Variants in ICA1 observed in about 807,000 individuals in gnomAD.
ICA1 encodes 69 kDa islet cell autoantigen.
A neutral mutation model predicts 71.0 loss-of-function variants in ICA1; 40 were observed. That is an observed-to-expected ratio of 0.56 (90% CI 0.44 to 0.73). ICA1 has a LOEUF of 0.73. ICA1 is among the 30% of genes least tolerant of loss of function. The pLI is 0.00. For missense variants in ICA1, 578 were observed against 576.5 expected (o/e 1.00, Z -0.03); for synonymous variants, 207 against 209.5 (o/e 0.99, Z 0.10).
At chr7:8,152,350 G>A (rs111234699) in intron 8 of ICA1, among the ~76,000 whole-genome samples, 2 of 151,896 alleles carry the variant, frequency 1.3e-5, no homozygotes, top group African/African-American at 2.4e-5. Flanking sequence ...TTGATGCTTC[G>A]CATGGTTGTC....
In ICA1 at chr7:8,255,900, A is replaced by C. The variant is rs561901233; in HGVS notation, c.-80+6194T>G. On this transcript the variant is annotated intron_variant, in intron 1 of 13. Transcript: ENST00000402384. ...AGCAATCCTCTTACTTAGCCTACCA[A>C]GTAGCTGGGACTACAGGCACATACC... 3.6e-3 allele frequency among the ~76,000 whole-genome samples: 547 copies of C among 151,390 alleles called. 1 individual carries two copies. Among genetic ancestry groups the C allele is most frequent in the Non-Finnish European group, 6.2e-3 (421 of 67,948 alleles).
chr7:8,123,183 C>T lies in ICA1; in HGVS notation c.1330+4690G>A, dbSNP rs572238225. ...TTCTCATTTTCAGCACAACTTGATTCTACATGCATTCCTTTGTTTTGGACT... is the reference window on the plus strand; with the variant it reads ...TTCTCATTTTCAGCACAACTTGATTTTACATGCATTCCTTTGTTTTGGACT... On this transcript the variant is annotated intron_variant, in intron 13 of 13. Coordinates refer to ENST00000402384, the MANE Select transcript of ICA1 (RefSeq NM_001136020.3). The surrounding 1 kb of genome is among the most constrained non-coding windows in gnomAD (Gnocchi z 4.1). Among the ~76,000 whole-genome samples, 1 of 152,348 alleles carries T rather than the reference C, an allele frequency of 6.6e-6. No homozygotes were observed. The highest frequency in any genetic ancestry group is 2.1e-4 in the South Asian group (1 of 4,832).
chr7:8,178,994 A>G (rs1000168738), intron 6 of ICA1, among the ~76,000 whole-genome samples: 1 of 152,150 alleles, frequency 6.6e-6, no homozygotes, highest in African/African-American at 2.4e-5. Flanking sequence ...GTTCTCTACA[A>G]TGGAATCTGA....
chr7:8,142,396 A>G (rs1284112703), intron 9 of ICA1, among the ~76,000 whole-genome samples: 1 of 152,230 alleles, frequency 6.6e-6, no homozygotes, highest in Non-Finnish European at 1.5e-5. Flanking sequence ...ATTCACGTTC[A>G]GTGTTCACTG....
At chr7:8,241,407 C>T (rs997913069) in intron 1 of ICA1, among the ~76,000 whole-genome samples, 17 of 152,156 alleles carry the variant, frequency 1.1e-4, no homozygotes, top group Admixed American at 1.0e-3. Context: ...ACAAGAGCTC[C>T]TGAAGGAAGC....
rs375606205 is a variant in ICA1 at position 8,228,569 on chromosome 7, T to G, written c.256+32A>C. Reference sequence around the variant, plus strand: ...AAAATACCCTGCTATTTCTTACTATTTGATCAATATTCATACTGATGTCAT... The same window carrying G: ...AAAATACCCTGCTATTTCTTACTATGTGATCAATATTCATACTGATGTCAT... On this transcript the variant is annotated intron_variant, in intron 4 of 13. Transcript: ENST00000402384. 4.5e-4 allele frequency: 590 copies of G among 1,305,544 alleles called. 2 individuals are homozygous for G. In the Middle Eastern group the frequency reaches 7.5e-3, roughly 17 times the overall value. 80.9% of individuals were successfully genotyped at this position (1,305,544 alleles called of 1,614,324 possible).
Position 8,235,986 on chromosome 7 carries a change from A to C in ICA1, c.-60T>G, listed in dbSNP as rs977663130. On this transcript the variant is annotated 5_prime_UTR_variant, in exon 2 of 14. Coordinates refer to ENST00000402384, the MANE Select transcript of ICA1 (RefSeq NM_001136020.3). ...AGAAGGGGCAGGAAAAAAGCATGAG[A>C]GGATAAGTTATATTATAACCTGAAA... The C allele has an allele frequency of 6.5e-6, 10 of 1,532,262 alleles. No individual in the cohort carries two copies. Among genetic ancestry groups the C allele is most frequent in the Non-Finnish European group, 9.0e-7 (1 of 1,108,998 alleles). 94.9% of individuals were successfully genotyped at this position (1,532,262 alleles called of 1,614,324 possible). A position where few individuals can be genotyped will look rare whatever the true frequency, so the allele number is the denominator to read the frequency against.
At chr7:8,129,951 G>C (rs1332514960) in intron 12 of ICA1, among the ~76,000 whole-genome samples, 1 of 115,484 alleles carries the variant, frequency 8.7e-6, no homozygotes, top group Admixed American at 9.4e-5. Context: ...AGAATATGCG[G>C]TATTTGGTTT....
At chr7:8,165,679 A>G (rs1461289291) in intron 6 of ICA1, among the ~76,000 whole-genome samples, 2 of 91,284 alleles carry the variant, frequency 2.2e-5, no homozygotes, top group African/African-American at 9.0e-5. Context: ...GCAAAGTCTT[A>G]AAATATAAAA....
chr7:8,193,472 T>C (rs530332868), intron 6 of ICA1, among the ~76,000 whole-genome samples: 5 of 152,216 alleles, frequency 3.3e-5, no homozygotes, highest in Non-Finnish European at 7.3e-5. Flanking sequence ...ACTGCTAACC[T>C]ATGCTTCTGC....
intron 12 of ICA1, among the ~76,000 whole-genome samples, chr7:8,135,714 T>C (rs1454447792): frequency 6.6e-6 from 1 of 152,200 alleles, no homozygotes; most frequent in Non-Finnish European, 1.5e-5. Flanking sequence ...GAATCACAAG[T>C]CTAGAAGTAG....
chr7:8,227,275 G>A (rs1583480429), intron 4 of ICA1, among the ~76,000 whole-genome samples: 1 of 152,256 alleles, frequency 6.6e-6, no homozygotes, highest in Non-Finnish European at 1.5e-5. Flanking sequence ...AAGCAGAGGT[G>A]GAGGCAAGAT....
intron 1 of ICA1, among the ~76,000 whole-genome samples, chr7:8,250,935 C>CAA (rs1807948288): frequency 6.6e-6 from 1 of 150,910 alleles, no homozygotes; most frequent in African/African-American, 2.5e-5. Flanking sequence ...GGATCTTGCT[C>CAA]AGTTGCCCAG....
chr7:8,173,995 G>A lies in ICA1; in HGVS notation c.580-15343C>T, dbSNP rs1191635920. Among the ~76,000 whole-genome samples the A allele has an allele frequency of 1.3e-5, 2 of 152,090 alleles. No individual in the cohort carries two copies. Among genetic ancestry groups the A allele is most frequent in the Non-Finnish European group, 2.9e-5 (2 of 67,996 alleles). On this transcript the variant is annotated intron_variant, in intron 6 of 13. Coordinates refer to ENST00000402384, the MANE Select transcript of ICA1 (RefSeq NM_001136020.3). The surrounding 1 kb of genome is among the most constrained non-coding windows in gnomAD (Gnocchi z 4.0). The stretch of plus-strand genomic sequence containing the variant: ...GAAAGATATGAGTGCAGGGTTTGGA[G>A]GGGTAGTAGAGGATTCTGTTTCATA...
At chr7:8,231,233 G>T (rs1800186137) in intron 3 of ICA1, among the ~76,000 whole-genome samples, 1 of 152,074 alleles carries the variant, frequency 6.6e-6, no homozygotes, top group African/African-American at 2.4e-5. Context: ...GGCTGGTTGT[G>T]GACTGAGAAC....
chr7:8,180,468 T>C (rs1270338555), intron 6 of ICA1, among the ~76,000 whole-genome samples: 4 of 152,198 alleles, frequency 2.6e-5, no homozygotes, highest in African/African-American at 7.2e-5. Context: ...GCAGCTATTA[T>C]GAAAATACTG....
intron 6 of ICA1, among the ~76,000 whole-genome samples, chr7:8,159,802 T>C (rs1409535023): frequency 1.3e-5 from 2 of 152,192 alleles, no homozygotes; most frequent in Admixed American, 1.3e-4. Context: ...ACACAGCATA[T>C]TTTGGCTAGA....
Position 8,221,408 on chromosome 7 carries a change from A to G in ICA1, c.257-10T>C. 1.9e-6 allele frequency: 3 copies of G among 1,612,880 alleles called. No individual in the cohort carries two copies. Among genetic ancestry groups the G allele is most frequent in the Non-Finnish European group, 2.5e-6 (3 of 1,179,150 alleles). On this transcript the variant is annotated splice_polypyrimidine_tract_variant and intron_variant, in intron 4 of 13. Transcript: ENST00000402384. ...TCTTCTTGAGACAAGACTGATGAAG[A>G]AAAGACCAAAAGGAGCCATGAACAA...
At chr7:8,182,476 G>C (rs1269823659) in intron 6 of ICA1, among the ~76,000 whole-genome samples, 1 of 152,136 alleles carries the variant, frequency 6.6e-6, no homozygotes, top group Non-Finnish European at 1.5e-5. Flanking sequence ...AGAAGAACAG[G>C]ACTCTTCTTC....
Sources: allele counts gnomAD v4.1 joint callset (sites outside exome capture counted in the v4.1 genomes callset), GRCh38; gene constraint gnomAD v4.1.1; non-coding constraint Gnocchi (gnomAD v3.1); transcripts MANE v1.5; gene names NCBI Gene and HGNC (gene_info 2026-07-23, HGNC 2026-07-21).